CEP112: variants seen among roughly 807,000 people sequenced by gnomAD.
CEP112 encodes centrosomal protein of 112 kDa.
Under a neutral mutation model 153.0 loss-of-function variants are expected in CEP112, and 127 were observed. That is an observed-to-expected ratio of 0.83 (90% CI 0.72 to 0.96). CEP112 has a LOEUF of 0.96. Among genes scored for constraint, CEP112 ranks in the 40% least tolerant of loss-of-function variants. The probability of loss-of-function intolerance (pLI) is 0.00; values close to 1 mark genes in which losing one functional copy is unlikely to be tolerated. For missense variants in CEP112, 1,089 were observed against 1,101.2 expected (o/e 0.99, Z 0.16); for synonymous variants, 358 against 374.4 (o/e 0.96, Z 0.51).
intron 18 of CEP112, among the ~76,000 whole-genome samples, chr17:65,946,817 A>G (rs973930475): frequency 6.6e-6 from 1 of 152,178 alleles, no homozygotes. Flanking sequence ...CTTCAAATCC[A>G]TACACATGAT....
At chr17:65,789,247 A>G (rs553282419) in intron 21 of CEP112, among the ~76,000 whole-genome samples, 1 of 152,286 alleles carries the variant, frequency 6.6e-6, no homozygotes, top group African/African-American at 2.4e-5. Context: ...CGCTCTTGAC[A>G]GTCCTGCCAA....
chr17:66,153,131 G>A (rs2071277814), intron 4 of CEP112, among the ~76,000 whole-genome samples: 1 of 152,136 alleles, frequency 6.6e-6, no homozygotes, highest in African/African-American at 2.4e-5. Context: ...TTGGAAAAGA[G>A]TTTGATGATT....
Position 65,995,041 on chromosome 17 carries a change from A to G in CEP112, c.1736+10649T>C, listed in dbSNP as rs185037174. Among the ~76,000 whole-genome samples the G allele has an allele frequency of 2.6e-3, 396 of 152,080 alleles. 1 individual carries two copies. The highest frequency in any genetic ancestry group is 9.2e-3 in the African/African-American group (380 of 41,498). On this transcript the variant is annotated intron_variant, in intron 17 of 26. Transcript: ENST00000535342. The stretch of plus-strand genomic sequence containing the variant: ...CCAGGGGTGAGTCCCTTTGATCTCC[A>G]TCAAACCCGAAGAGCTCCCTTGCCT...
At chr17:65,992,963 C>A (rs998983016) in intron 17 of CEP112, among the ~76,000 whole-genome samples, 2 of 152,010 alleles carry the variant, frequency 1.3e-5, no homozygotes, top group African/African-American at 2.4e-5. Flanking sequence ...TTCGAGGGTA[C>A]ATGTGCAGGA....
chr17:66,048,462 C>A (rs1306590754), intron 12 of CEP112, among the ~76,000 whole-genome samples: 1 of 152,132 alleles, frequency 6.6e-6, no homozygotes, highest in Non-Finnish European at 1.5e-5. Context: ...AATCTCTTAT[C>A]CTGCATTAGT....
intron 24 of CEP112, among the ~76,000 whole-genome samples, chr17:65,667,744 C>T (rs1324221677): frequency 6.6e-6 from 1 of 152,092 alleles, no homozygotes; most frequent in African/African-American, 2.4e-5. Flanking sequence ...TATTTGTATA[C>T]TGAGGATAAA....
At chr17:65,724,097 T>C (rs1014205516) in intron 23 of CEP112, among the ~76,000 whole-genome samples, 11 of 152,196 alleles carry the variant, frequency 7.2e-5, no homozygotes, top group Non-Finnish European at 1.0e-4. Flanking sequence ...TTTTCCTCTG[T>C]GTTTCCAACA....
At chr17:66,190,889 C>A (rs1460452366) in intron 1 of CEP112, among the ~76,000 whole-genome samples, 1 of 152,126 alleles carries the variant, frequency 6.6e-6, no homozygotes, top group Non-Finnish European at 1.5e-5. Flanking sequence ...ACAAAACAAA[C>A]GTTCTTGGAA....
chr17:66,147,627 A>AT (rs1253780734), intron 4 of CEP112, among the ~76,000 whole-genome samples: 2 of 152,048 alleles, frequency 1.3e-5, no homozygotes, highest in Admixed American at 1.3e-4. Context: ...TGTCTTCCGT[A>AT]TGTTTCCCTA....
intron 20 of CEP112, among the ~76,000 whole-genome samples, chr17:65,879,126 C>T (rs1263316740): frequency 6.6e-6 from 1 of 152,210 alleles, no homozygotes; most frequent in Non-Finnish European, 1.5e-5. Flanking sequence ...AGGGACTCAG[C>T]AAATATGATT....
intron 4 of CEP112, among the ~76,000 whole-genome samples, chr17:66,169,727 T>C (rs2072163989): frequency 6.6e-6 from 1 of 152,168 alleles, no homozygotes; most frequent in Non-Finnish European, 1.5e-5. Flanking sequence ...TATATTGAGG[T>C]TTTTATAAAC....
chr17:65,860,650 T>C (rs1325131890), intron 20 of CEP112, among the ~76,000 whole-genome samples: 4 of 152,224 alleles, frequency 2.6e-5, no homozygotes, highest in African/African-American at 9.6e-5. Context: ...CAAGCCAATG[T>C]ATTCTAAAAA....
At chr17:65,858,984 G>A (rs1234144541) in intron 20 of CEP112, among the ~76,000 whole-genome samples, 3 of 152,094 alleles carry the variant, frequency 2.0e-5, no homozygotes, top group African/African-American at 7.2e-5. Flanking sequence ...AAGTGTCTTA[G>A]GTCTAATTCC....
At chr17:66,189,321 T>C (rs1042457657) in intron 1 of CEP112, among the ~76,000 whole-genome samples, 1 of 151,892 alleles carries the variant, frequency 6.6e-6, no homozygotes, top group Non-Finnish European at 1.5e-5. Flanking sequence ...GCCAACATGG[T>C]GAAACCCCGT....
intron 12 of CEP112, among the ~76,000 whole-genome samples, chr17:66,049,890 T>C (rs1217275440): frequency 6.6e-6 from 1 of 151,864 alleles, no homozygotes; most frequent in Non-Finnish European, 1.5e-5. Flanking sequence ...TGAGAAACTA[T>C]CATAGAAATA....
At chr17:65,864,639 G>A (rs1015172450) in intron 20 of CEP112, among the ~76,000 whole-genome samples, 1 of 152,162 alleles carries the variant, frequency 6.6e-6, no homozygotes, top group African/African-American at 2.4e-5. Context: ...AAATGTACTT[G>A]TGCTTCTTAT....
chr17:65,805,148 T>G (rs937426033), intron 21 of CEP112, among the ~76,000 whole-genome samples: 1 of 152,134 alleles, frequency 6.6e-6, no homozygotes, highest in African/African-American at 2.4e-5. Flanking sequence ...ATACCTGGCC[T>G]ACAAGTAATC....
At chr17:65,970,627 G>A (rs559923312) in intron 17 of CEP112, among the ~76,000 whole-genome samples, 2 of 151,960 alleles carry the variant, frequency 1.3e-5, no homozygotes, top group South Asian at 2.1e-4. Context: ...TGGAATGGAA[G>A]CATATTACAT....
At chr17:65,655,084 C>T in intron 24 of CEP112, 1 of 695,468 alleles carries the variant, frequency 1.4e-6, no homozygotes, top group Non-Finnish European at 2.7e-6. Context: ...TCATTGGCAC[C>T]AATAATGTGT....
Sources: gnomAD v4.1 joint callset for allele counts (sites outside exome capture counted in the v4.1 genomes callset) on GRCh38, gnomAD v4.1.1 for gene constraint, MANE v1.5 for transcripts, NCBI Gene and HGNC (gene_info 2026-07-23, HGNC 2026-07-21) for gene names.